Variants in KIF16B observed in about 807,000 individuals in gnomAD.
KIF16B encodes the protein kinesin-like protein KIF16B.
Under a neutral mutation model 156.3 loss-of-function variants are expected in KIF16B, and 98 were observed. The ratio of observed to expected loss-of-function variants is 0.63; its 90% CI spans 0.53 to 0.74. KIF16B has a LOEUF of 0.74. Ranked by LOEUF, KIF16B falls within the 30% of genes least tolerant of loss-of-function variation. The probability of loss-of-function intolerance (pLI) is 0.00; values close to 1 mark genes in which losing one functional copy is unlikely to be tolerated. For missense variants in KIF16B, 1,421 were observed against 1,606.5 expected, an observed-to-expected ratio of 0.88 and a Z score of 1.97; for synonymous variants, 564 against 583.7, an observed-to-expected ratio of 0.97 and a Z score of 0.49.
chr20:16,333,580 G>A (rs1335276130), intron 24 of KIF16B, among the ~76,000 whole-genome samples: 1 of 151,962 alleles, frequency 6.6e-6, no homozygotes, highest in Non-Finnish European at 1.5e-5. Context: ...TTTTCCTCTG[G>A]AAAATACTCT....
intron 1 of KIF16B, among the ~76,000 whole-genome samples, chr20:16,542,682 CTG>C (rs749969935): frequency 6.6e-6 from 1 of 152,158 alleles, no homozygotes; most frequent in African/African-American, 2.4e-5. Flanking sequence ...AAGAAGGTCA[CTG>C]TGACTGCAGA....
chr20:16,470,963 C>G (rs2067646850), intron 12 of KIF16B, among the ~76,000 whole-genome samples: 1 of 152,068 alleles, frequency 6.6e-6, no homozygotes, highest in South Asian at 2.1e-4. Context: ...CCTCAATTCT[C>G]AGATCCACCA....
chr20:16,443,009 A>AC (rs2066843869), intron 12 of KIF16B, among the ~76,000 whole-genome samples: 1 of 152,134 alleles, frequency 6.6e-6, no homozygotes, highest in Non-Finnish European at 1.5e-5. Context: ...GGGTTAAGTA[A>AC]CCCCAATCTG....
chr20:16,479,885 A>G (rs1338082513), intron 12 of KIF16B, among the ~76,000 whole-genome samples: 1 of 152,210 alleles, frequency 6.6e-6, no homozygotes, highest in African/African-American at 2.4e-5. Context: ...CATTGACACC[A>G]AGCCACATGT....
intron 17 of KIF16B, among the ~76,000 whole-genome samples, chr20:16,386,400 C>T (rs951457991): frequency 6.6e-6 from 1 of 151,954 alleles, no homozygotes; most frequent in African/African-American, 2.4e-5. Flanking sequence ...ACCCAATGAC[C>T]TTCATGACGT....
intron 25 of KIF16B, among the ~76,000 whole-genome samples, chr20:16,300,871 G>A (rs1034645586): frequency 1.1e-4 from 17 of 152,034 alleles, no homozygotes; most frequent in African/African-American, 4.1e-4. Flanking sequence ...TTACATTAGG[G>A]TTCACTCTTG....
intron 17 of KIF16B, among the ~76,000 whole-genome samples, chr20:16,383,891 G>A (rs539307208): frequency 1.2e-3 from 186 of 152,288 alleles, no homozygotes; most frequent in African/African-American, 4.0e-3. Context: ...CTGGGCATTC[G>A]GATGGAAACC....
At chr20:16,314,025 A>C (rs1353027458) in intron 24 of KIF16B, among the ~76,000 whole-genome samples, 1 of 152,212 alleles carries the variant, frequency 6.6e-6, no homozygotes, top group Non-Finnish European at 1.5e-5. Context: ...TGGTTTCCAA[A>C]ACAGTTTTAG....
chr20:16,277,513 A>G (rs970332721), intron 25 of KIF16B, among the ~76,000 whole-genome samples: 6 of 150,454 alleles, frequency 4.0e-5, no homozygotes, highest in African/African-American at 1.2e-4. Context: ...ACCTAACAAC[A>G]CACATTCATA....
At chr20:16,431,707 A>G (rs895242230) in intron 12 of KIF16B, among the ~76,000 whole-genome samples, 1 of 151,968 alleles carries the variant, frequency 6.6e-6, no homozygotes, top group African/African-American at 2.4e-5. Flanking sequence ...GTCTCCAGAC[A>G]TTTGAGAAAC....
In KIF16B at chr20:16,488,320, C is replaced by T. The variant is rs145283100; in HGVS notation, c.1302+5971G>A. ...ATCTGTCAAAGGGCTGCCAGCTTGG[C>T]GCTGCAGTCCAAACTGTCTGTGCGT... On this transcript the variant is annotated intron_variant, in intron 12 of 25. Coordinates refer to ENST00000354981, the MANE Select transcript of KIF16B (RefSeq NM_024704.5). 5.5e-4 allele frequency among the ~76,000 whole-genome samples: 84 copies of T among 152,342 alleles called. No individual in the cohort carries two copies. The East Asian group carries it at 0.014, about 25-fold the overall frequency.
intron 25 of KIF16B, among the ~76,000 whole-genome samples, chr20:16,291,125 T>C (rs756709292): frequency 2.0e-5 from 3 of 152,212 alleles, no homozygotes; most frequent in African/African-American, 7.2e-5. Flanking sequence ...GCAATGCTGA[T>C]AGGCCTCGAT....
At chr20:16,522,251 T>C (rs6080283) in intron 3 of KIF16B, among the ~76,000 whole-genome samples, 5 of 152,162 alleles carry the variant, frequency 3.3e-5, no homozygotes, top group Non-Finnish European at 7.3e-5. Flanking sequence ...TCAAGACCCA[T>C]TGGTGTGCTG....
At chr20:16,495,753 A>T (rs1402309984) in intron 11 of KIF16B, among the ~76,000 whole-genome samples, 1 of 152,134 alleles carries the variant, frequency 6.6e-6, no homozygotes, top group Non-Finnish European at 1.5e-5. Flanking sequence ...GCGGTGGCGT[A>T]ATCACGGCTC....
intron 25 of KIF16B, among the ~76,000 whole-genome samples, chr20:16,311,841 C>A (rs1235152267): frequency 6.6e-6 from 1 of 152,112 alleles, no homozygotes; most frequent in Non-Finnish European, 1.5e-5. Flanking sequence ...TTGTGTTAAA[C>A]CAGAGTTCTA....
At chr20:16,345,251 C>A (rs1227178152) in intron 23 of KIF16B, among the ~76,000 whole-genome samples, 7 of 152,220 alleles carry the variant, frequency 4.6e-5, no homozygotes, top group Non-Finnish European at 8.8e-5. Flanking sequence ...AATGGATGAA[C>A]TAGTTATTCA....
intron 1 of KIF16B, among the ~76,000 whole-genome samples, chr20:16,559,113 T>G (rs772465117): frequency 2.6e-5 from 4 of 152,090 alleles, no homozygotes; most frequent in African/African-American, 4.8e-5. Context: ...TACTATATAT[T>G]TAACTAATTC....
chr20:16,354,982 C>T (rs2064410489), intron 23 of KIF16B, among the ~76,000 whole-genome samples: 1 of 151,286 alleles, frequency 6.6e-6, no homozygotes, highest in Non-Finnish European at 1.5e-5. Flanking sequence ...ACACAGGCAT[C>T]ATGCTTTCTC....
At chr20:16,432,050 G>C (rs1038719999) in intron 12 of KIF16B, among the ~76,000 whole-genome samples, 1 of 151,854 alleles carries the variant, frequency 6.6e-6, no homozygotes, top group African/African-American at 2.4e-5. Context: ...TAGACACACA[G>C]AGTTCAGTGG....
Sources: allele counts gnomAD v4.1 joint callset (sites outside exome capture counted in the v4.1 genomes callset), GRCh38; gene constraint gnomAD v4.1.1; transcripts MANE v1.5; gene names NCBI Gene and HGNC (gene_info 2026-07-23, HGNC 2026-07-21).